The following NEK3 variants were observed in gnomAD, a reference collection of about 807,000 sequenced individuals.
The protein encoded by NEK3 is NIMA related kinase 3.
A neutral mutation model predicts 66.0 loss-of-function variants in NEK3; 54 were observed. The observed-to-expected ratio is 0.82, with a 90% CI of 0.66 to 1.03. The LOEUF (loss-of-function observed/expected upper bound fraction) is 1.03. Among genes scored for constraint, NEK3 ranks in the 50% least tolerant of loss-of-function variants. NEK3 has a pLI of 0.00. For synonymous variants in NEK3, 200 were observed against 206.2 expected, an observed-to-expected ratio of 0.97 and a Z score of 0.26; for missense variants, 593 against 603.0, an observed-to-expected ratio of 0.98 and a Z score of 0.17.
chr13:52,149,868 CAA>C (rs76728379), intron 7 of NEK3, among the ~76,000 whole-genome samples: 228 of 125,930 alleles, frequency 1.8e-3, no homozygotes, highest in Non-Finnish European at 1.7e-3. Context: ...GACTCTGTCT[CAA>C]AAAAAAAAAA....
At chr13:52,155,558 C>T (rs190525133) in intron 2 of NEK3, among the ~76,000 whole-genome samples, 2 of 152,326 alleles carry the variant, frequency 1.3e-5, no homozygotes, top group African/African-American at 4.8e-5. Flanking sequence ...CTGTTTTTCT[C>T]CCATTGTTAA....
At chr13:52,141,475 TTTA>T (rs1341049182) in intron 10 of NEK3, among the ~76,000 whole-genome samples, 2 of 152,144 alleles carry the variant, frequency 1.3e-5, no homozygotes, top group African/African-American at 4.8e-5. Context: ...AAGTGAGCTG[TTTA>T]TTAACTCAGA....
intron 5 of NEK3, 51 bp from the exon 6 acceptor site, chr13:52,151,443 G>A: frequency 6.7e-7 from 1 of 1,484,926 alleles, no homozygotes; most frequent in Admixed American, 2.0e-5. Flanking sequence ...TCAAACATGA[G>A]GCAGATAAGC....
intron 12 of NEK3, 141 bp downstream of exon 12, chr13:52,136,659 C>T: frequency 1.8e-6 from 1 of 549,626 alleles, no homozygotes. Flanking sequence ...ATAAAATATT[C>T]CTAAAACATT....
At chr13:52,154,244 G>C in intron 2 of NEK3, 71 bp from the exon 3 acceptor site, 3 of 964,254 alleles carry the variant, frequency 3.1e-6, no homozygotes, top group South Asian at 3.4e-5. Context: ...CAATAACATG[G>C]TTTATATGAC....
chr13:52,154,213 A>T, intron 2 of NEK3, 40 bp from the exon 3 acceptor site: 1 of 1,212,330 alleles, frequency 8.2e-7, no homozygotes, highest in Non-Finnish European at 1.2e-6. Flanking sequence ...TTAATACTGC[A>T]TTTTAAAATA....
At position 52,144,901 on chromosome 13, in the gene NEK3, A is replaced by C. The variant is rs560503015; in HGVS notation, c.604-10T>G. 1.1e-4 allele frequency: 178 copies of C among 1,576,606 alleles called. No homozygotes were observed. The highest frequency in any genetic ancestry group is 1.5e-4 in the Non-Finnish European group (177 of 1,157,394). ...AACTATTTGCCTGAAACTGAAAAGG[A>C]AAATTGAACTTTACAAGCAGATACA... is the stretch of plus-strand genomic sequence containing the variant. On this transcript the variant is annotated splice_polypyrimidine_tract_variant and intron_variant, in intron 8 of 15. Transcript: ENST00000610828.
chr13:52,153,764 C>T, intron 4 of NEK3, 131 bp downstream of exon 4: 1 of 653,456 alleles, frequency 1.5e-6, no homozygotes, highest in Non-Finnish European at 2.6e-6. Flanking sequence ...AACACCAATT[C>T]AGAAATCAGT....
At chr13:52,147,652 T>C (rs1215164598) in intron 8 of NEK3, among the ~76,000 whole-genome samples, 1 of 151,962 alleles carries the variant, frequency 6.6e-6, no homozygotes, top group Non-Finnish European at 1.5e-5. Flanking sequence ...GAGTTTCTGG[T>C]TGGGGTGATG....
chr13:52,150,804 G>C (rs981349768), intron 7 of NEK3, among the ~76,000 whole-genome samples: 10 of 152,148 alleles, frequency 6.6e-5, no homozygotes, highest in African/African-American at 2.2e-4. Flanking sequence ...TTTAATTAGT[G>C]TAGACGCAAC....
At chr13:52,156,446 C>A in intron 1 of NEK3, 198 bp from the exon 2 acceptor site, 1 of 309,054 alleles carries the variant, frequency 3.2e-6, no homozygotes, top group Non-Finnish European at 6.1e-6. Flanking sequence ...TTTGCCCTCC[C>A]TTTTTTGTAT....
In NEK3 at chr13:52,143,490, A is replaced by G. The variant is rs117502199; in HGVS notation, c.877+425T>C. ...CACTACCACCCATCACCCAGAGTCC[A>G]CAGTTTACATTAGAAAAGCTTCTCT... On this transcript the variant is annotated intron_variant, in intron 10 of 15. Coordinates refer to ENST00000610828, the MANE Select transcript of NEK3 (RefSeq NM_002498.3). Among the ~76,000 whole-genome samples, 50 of 152,262 alleles carry G rather than the reference A, an allele frequency of 3.3e-4. No homozygotes were observed. The East Asian group carries it at 9.5e-3, about 29-fold the overall frequency.
In NEK3 at chr13:52,133,198, C is replaced by T. The variant is rs745312041; in HGVS notation, c.1465G>A (p.Asp489Asn). The T allele has an allele frequency of 8.7e-6, 14 of 1,609,374 alleles. No homozygotes were observed. The highest frequency in any genetic ancestry group is 3.3e-5 in the South Asian group (3 of 89,622). ...TDFEEEDDNPDWVSELKKRAG... is the reference protein window; with the variant it reads ...TDFEEEDDNPNWVSELKKRAG... ...CGCTTCTTCAGCTCTGACACCCAGT[C>T]GGGGTTGTCATCTTCCTCCTCAAAG... Residue 489 changes from aspartate to asparagine, a missense_variant, in exon 16 of 16, where the codon GAC becomes AAC. Transcript: ENST00000610828.
intron 11 of NEK3, among the ~76,000 whole-genome samples, chr13:52,139,464 T>C (rs1252949077): frequency 6.6e-6 from 1 of 152,106 alleles, no homozygotes; most frequent in Non-Finnish European, 1.5e-5. Context: ...AGAGTTTCTG[T>C]TTGGGATGAT....
Position 52,133,788 on chromosome 13 carries a change from A to AG in NEK3, c.1336dup (p.Leu446ProfsTer3). 3.1e-6 allele frequency: 5 copies of AG among 1,598,952 alleles called. No homozygotes were observed. The highest frequency in any genetic ancestry group is 4.3e-6 in the Non-Finnish European group (5 of 1,172,100). On this transcript the variant is annotated frameshift_variant, in exon 15 of 16. Coordinates refer to ENST00000610828, the MANE Select transcript of NEK3 (RefSeq NM_002498.3). LOFTEE classifies it high-confidence loss of function. ...GTCCGATGCTTCTGTTTCTTCAGACAGGGGGCCTTTCAAGAACCCTTCTGA... is the reference window on the plus strand; with the variant it reads ...GTCCGATGCTTCTGTTTCTTCAGACAGGGGGGCCTTTCAAGAACCCTTCTGA...
chr13:52,147,404 A>G (rs1013286968), intron 8 of NEK3, among the ~76,000 whole-genome samples: 2 of 152,194 alleles, frequency 1.3e-5, no homozygotes, highest in Non-Finnish European at 2.9e-5. Flanking sequence ...ATGGATAAAC[A>G]TGTCTATACA....
chr13:52,151,629 C>T (rs989734255), intron 5 of NEK3, among the ~76,000 whole-genome samples: 4 of 152,330 alleles, frequency 2.6e-5, no homozygotes, highest in South Asian at 4.2e-4. Context: ...TATCAGCAGA[C>T]GCAATCGACC....
At chr13:52,157,357 G>A (rs963450942) in intron 1 of NEK3, 1 of 152,108 alleles carries the variant, frequency 6.6e-6, no homozygotes, top group Non-Finnish European at 1.5e-5. Flanking sequence ...AAAGATGTAA[G>A]AACAGTTGAC....
Position 52,151,377 on chromosome 13 carries a change from G to C in NEK3, c.409C>G (p.Gln137Glu). 1 of 1,587,246 alleles carries C rather than the reference G, an allele frequency of 6.3e-7. No individual in the cohort carries two copies. The highest frequency in any genetic ancestry group is 8.6e-7 in the Non-Finnish European group (1 of 1,166,094). Residue 137 changes from glutamine to glutamate, a missense_variant, in exon 6 of 16, where the codon CAG becomes GAG. By Grantham distance (29) the Gln-to-Glu change is conservative (BLOSUM62 2). Coordinates refer to ENST00000610828, the MANE Select transcript of NEK3 (RefSeq NM_002498.3). ...TCTCCCAATTTCACTTTTCCATTCTGAGTGAGGAAGATATTCTGCATTTAA... is the reference window on the plus strand; with the variant it reads ...TCTCCCAATTTCACTTTTCCATTCTCAGTGAGGAAGATATTCTGCATTTAA... Reference protein sequence around the residue: ...DIKSKNIFLTQNGKVKLGDFG... With the variant: ...DIKSKNIFLTENGKVKLGDFG...
Sources: allele counts gnomAD v4.1 joint callset (sites outside exome capture counted in the v4.1 genomes callset), GRCh38; gene constraint gnomAD v4.1.1; transcripts MANE v1.5; gene names NCBI Gene and HGNC (gene_info 2026-07-23, HGNC 2026-07-21).